Variants in PAQR9 observed in about 807,000 individuals in gnomAD.
PAQR9 encodes the protein membrane progestin receptor epsilon.
Under a neutral mutation model 24.0 loss-of-function variants are expected in PAQR9, and 12 were observed. The observed-to-expected ratio is 0.50, with a 90% confidence interval of 0.32 to 0.81. The LOEUF (loss-of-function observed/expected upper bound fraction) is 0.81, where lower values mean the gene tolerates loss of function less well. Ranked by LOEUF, PAQR9 falls within the 30% of genes least tolerant of loss-of-function variation. PAQR9 has a pLI of 0.03. For synonymous variants in PAQR9, 266 were observed against 237.6 expected, an observed-to-expected ratio of 1.12 and a Z score of -1.10; for missense variants, 418 against 520.8, an observed-to-expected ratio of 0.80 and a Z score of 1.92.
downstream of PAQR9, among the ~76,000 whole-genome samples, chr3:142,953,295 C>A (rs1188237718): frequency 6.6e-6 from 1 of 152,042 alleles, no homozygotes. Flanking sequence ...ACATGGAGAA[C>A]CTGAGTGCTG....
rs372595240 is a variant in PAQR9, at chr3:142,962,143, T to C, written c.*60A>G. 143 of 1,521,060 alleles carry C rather than the reference T, an allele frequency of 9.4e-5. No homozygotes were observed. The South Asian group carries it at 1.5e-3, about 16-fold the overall frequency. The allele number at this position is 1,521,060 out of a possible 1,614,324, so 94.2% of individuals were successfully genotyped here. ...ATGAAATTTGAAAACAAACCAACAA[T>C]AGCAACAACAGAAACTCCAAACAGA... On this transcript the variant is annotated 3_prime_UTR_variant, in exon 1 of 1. Coordinates refer to ENST00000340634, the MANE Select transcript of PAQR9 (RefSeq NM_198504.4).
In PAQR9 at chr3:142,960,298, T is replaced by C. The variant is rs1210586309; in HGVS notation, c.*1905A>G. 6.6e-6 allele frequency: 1 copy of C among 152,250 alleles called. No individual in the cohort carries two copies. Among genetic ancestry groups the C allele is most frequent in the African/African-American group, 2.4e-5 (1 of 41,462 alleles). 9.4% of individuals were successfully genotyped at this position (152,250 alleles called of 1,614,324 possible). On this transcript the variant is annotated 3_prime_UTR_variant, in exon 1 of 1. Coordinates refer to ENST00000340634, the MANE Select transcript of PAQR9 (RefSeq NM_198504.4). ...GCATAAACAAAACCAGCAATTGTTTTAGAAGTGCCAGCCTACCAGTGCTGA... is the reference window on the plus strand; with the variant it reads ...GCATAAACAAAACCAGCAATTGTTTCAGAAGTGCCAGCCTACCAGTGCTGA...
Position 142,960,903 on chromosome 3 carries a change from T to C in PAQR9, c.*1300A>G, listed in dbSNP as rs1934878731. On this transcript the variant is annotated 3_prime_UTR_variant, in exon 1 of 1. Transcript: ENST00000340634. ...AATTTTCAGTGACAACTCAATAATG[T>C]GCTCCTGCCTTTCATAATAAAACTG... 1 of 152,254 alleles carries C rather than the reference T, an allele frequency of 6.6e-6. No individual in the cohort carries two copies. Among genetic ancestry groups the C allele is most frequent in the African/African-American group, 2.4e-5 (1 of 41,470 alleles). The allele number at this position is 152,254 out of a possible 1,614,324, so 9.4% of individuals were successfully genotyped here. A position where few individuals can be genotyped will look rare whatever the true frequency, so the allele number is the denominator to read the frequency against.
At position 142,955,241 on chromosome 3, in the gene PAQR9, G is replaced by A. The variant is rs541020922; in HGVS notation, c.*6962C>T. ...TCTTGCAAATCCAAGAACAGTCACC[G>A]TATTTAAAACCTTTGTTTGGAAATG... On this transcript the variant is annotated 3_prime_UTR_variant, in exon 1 of 1. Coordinates refer to ENST00000340634, the MANE Select transcript of PAQR9 (RefSeq NM_198504.4). 8.9e-4 allele frequency among the ~76,000 whole-genome samples: 136 copies of A among 152,018 alleles called. No homozygotes were observed. The highest frequency in any genetic ancestry group is 3.1e-3 in the African/African-American group (130 of 41,484).
chr3:142,957,411 T>G lies in PAQR9; in HGVS notation c.*4792A>C, dbSNP rs1052932256. ...CCTTCCCATGCATTCTTCCTATCTT[T>G]TTTACCTCTGACACTTTTTAATGAT... On this transcript the variant is annotated 3_prime_UTR_variant, in exon 1 of 1. Coordinates refer to ENST00000340634, the MANE Select transcript of PAQR9 (RefSeq NM_198504.4). Among the ~76,000 whole-genome samples the G allele has an allele frequency of 6.6e-6, 1 of 152,202 alleles. No homozygotes were observed. The highest frequency in any genetic ancestry group is 2.4e-5 in the African/African-American group (1 of 41,468).
At position 142,963,615 on chromosome 3, in the gene PAQR9, C is replaced by T. The variant is rs561104344; in HGVS notation, c.-279G>A. On this transcript the variant is annotated 5_prime_UTR_variant, in exon 1 of 1. Coordinates refer to ENST00000340634, the MANE Select transcript of PAQR9 (RefSeq NM_198504.4). ...GCCCCTGCTACCGGCGCGCGGCCGC[C>T]CGCGCTGCGGCAGCGGCGGCGGCGC... 5.2e-6 allele frequency: 4 copies of T among 767,098 alleles called. No homozygotes were observed. Among genetic ancestry groups the T allele is most frequent in the African/African-American group, 1.9e-5 (1 of 52,620 alleles). 47.5% of individuals were successfully genotyped at this position (767,098 alleles called of 1,614,324 possible). A position where few individuals can be genotyped will look rare whatever the true frequency, so the allele number is the denominator to read the frequency against.
chr3:142,960,491 G>C lies in PAQR9; in HGVS notation c.*1712C>G, dbSNP rs1413728057. ...AGCTCTCCATCACCTACAAGCCAGT[G>C]AAGTACAGCTGGCTGGGTATGAGGG... On this transcript the variant is annotated 3_prime_UTR_variant, in exon 1 of 1. Transcript: ENST00000340634. The C allele has an allele frequency of 6.5e-6, 1 of 152,918 alleles. No homozygotes were observed. Among genetic ancestry groups the C allele is most frequent in the Non-Finnish European group, 1.5e-5 (1 of 68,188 alleles). 9.5% of individuals were successfully genotyped at this position (152,918 alleles called of 1,614,324 possible).
At chr3:142,952,072 G>A (rs1419651731), downstream of PAQR9, among the ~76,000 whole-genome samples, 2 of 151,618 alleles carry the variant, frequency 1.3e-5, no homozygotes, top group Admixed American at 1.3e-4. Context: ...GTTAGAGTGT[G>A]ACATAGTGGG....
downstream of PAQR9, chr3:142,949,666 G>C (rs1439819003): frequency 6.6e-6 from 1 of 152,134 alleles, no homozygotes; most frequent in Non-Finnish European, 1.5e-5. Context: ...TAAGAAAAAA[G>C]TTTTTGGAGG....
rs77134418 is a variant in PAQR9, at chr3:142,962,416, G to A, written c.921C>T (p.Ile307=). 2.3e-4 allele frequency: 379 copies of A among 1,614,148 alleles called. No homozygotes were observed. The African/African-American group carries it at 4.8e-3, about 20-fold the overall frequency. The stretch of plus-strand genomic sequence containing the variant: ...TGTGGAAGAGCTGGTGGCTGTGGCC[G>A]ATAATGTCGAAAAGACCCGGCTGGA... ...ERIQPGLFDI[I]GHSHQLFHIF... Residue 307 remains isoleucine, a synonymous_variant, in exon 1 of 1, where the codon ATC becomes ATT. Coordinates refer to ENST00000340634, the MANE Select transcript of PAQR9 (RefSeq NM_198504.4).
chr3:142,949,510 G>C (rs985485074), exon 3 of PAQR9: 3 of 152,346 alleles, frequency 2.0e-5, no homozygotes, highest in Admixed American at 1.3e-4. Flanking sequence ...AAAGTATCAA[G>C]ATAGAGAGAA....
At chr3:142,949,220 T>TAAAGTACAAAA (rs1934683570) in exon 3 of PAQR9, 1 of 152,244 alleles carries the variant, frequency 6.6e-6, no homozygotes, top group Non-Finnish European at 1.5e-5. Context: ...ACCTGTTTCC[T>TAAAGTACAAAA]TTTGTACTTT....
rs183500964 is a variant in PAQR9 at position 142,955,251 on chromosome 3, C to A, written c.*6952G>T. ...CCAAGAACAGTCACCGTATTTAAAA[C>A]CTTTGTTTGGAAATGGGTGAACCTC... On this transcript the variant is annotated 3_prime_UTR_variant, in exon 1 of 1. Coordinates refer to ENST00000340634, the MANE Select transcript of PAQR9 (RefSeq NM_198504.4). Among the ~76,000 whole-genome samples the A allele has an allele frequency of 6.6e-6, 1 of 151,714 alleles. No individual in the cohort carries two copies. Among genetic ancestry groups the A allele is most frequent in the Non-Finnish European group, 1.5e-5 (1 of 67,948 alleles).
rs1934816463 is a variant in PAQR9, at chr3:142,957,783, G to A, written c.*4420C>T. ...CTTGGATTGTACATTACATTTTCAA[G>A]TTATTTTTAACAATAGGCCTAGGAG... On this transcript the variant is annotated 3_prime_UTR_variant, in exon 1 of 1. Coordinates refer to ENST00000340634, the MANE Select transcript of PAQR9 (RefSeq NM_198504.4). Among the ~76,000 whole-genome samples the A allele has an allele frequency of 6.6e-6, 1 of 152,104 alleles. No individual in the cohort carries two copies. Among genetic ancestry groups the A allele is most frequent in the Non-Finnish European group, 1.5e-5 (1 of 68,024 alleles).
chr3:142,950,972 G>T (rs979669496), downstream of PAQR9, among the ~76,000 whole-genome samples: 2 of 152,200 alleles, frequency 1.3e-5, no homozygotes, highest in African/African-American at 4.8e-5. Context: ...ACTCTTTAGT[G>T]AATTTTTGGT....
rs1031648068 is a variant in PAQR9 at position 142,956,091 on chromosome 3, T to A, written c.*6112A>T. ...CTTTACAAATATAAAATTAAAATACTTTTTTAAAAAATTTTCCCAGGAATT... is the reference window on the plus strand; with the variant it reads ...CTTTACAAATATAAAATTAAAATACATTTTTAAAAAATTTTCCCAGGAATT... On this transcript the variant is annotated 3_prime_UTR_variant, in exon 1 of 1. Transcript: ENST00000340634. Among the ~76,000 whole-genome samples, 1 of 152,238 alleles carries A rather than the reference T, an allele frequency of 6.6e-6. No individual in the cohort carries two copies. The highest frequency in any genetic ancestry group is 1.5e-5 in the Non-Finnish European group (1 of 68,040).
chr3:142,963,309 C>T lies in PAQR9; in HGVS notation c.28G>A (p.Ala10Thr). Residue 10 changes from alanine (A) to threonine (T), a missense_variant, in exon 1 of 1, where the codon GCG becomes ACG. Physicochemically the swap from Ala to Thr is moderately conservative, Grantham distance 58. Transcript: ENST00000340634. ...GGGGCCGGAGGGCCTTTTGTGCCCG[C>T]GCCCCGGGGCTGCAGGCGCCGCGGC... MPRRLQPRG[A>T]GTKGPPAPAP... is the part of the protein sequence containing the mutation. 1 of 1,401,938 alleles carries T rather than the reference C, an allele frequency of 7.1e-7. No homozygotes were observed. The highest frequency in any genetic ancestry group is 9.2e-7 in the Non-Finnish European group (1 of 1,086,230). The allele number at this position is 1,401,938 out of a possible 1,614,324, so 86.8% of individuals were successfully genotyped here.
chr3:142,961,862 G>A lies in PAQR9; in HGVS notation c.*341C>T, dbSNP rs1934896222. 3.1e-6 allele frequency: 1 copy of A among 317,902 alleles called. No homozygotes were observed. Among genetic ancestry groups the A allele is most frequent in the Non-Finnish European group, 6.0e-6 (1 of 168,026 alleles). The allele number at this position is 317,902 out of a possible 1,614,324, so 19.7% of individuals were successfully genotyped here. On this transcript the variant is annotated 3_prime_UTR_variant, in exon 1 of 1. Coordinates refer to ENST00000340634, the MANE Select transcript of PAQR9 (RefSeq NM_198504.4). ...CAGGGGCTACTCCTTATTACCAATG[G>A]CACAGATGATTGGAAAAGCAAACTC...
Position 142,957,218 on chromosome 3 carries a change from C to T in PAQR9, c.*4985G>A, listed in dbSNP as rs898376644. Among the ~76,000 whole-genome samples, 1 of 152,228 alleles carries T rather than the reference C, an allele frequency of 6.6e-6. No individual in the cohort carries two copies. Among genetic ancestry groups the T allele is most frequent in the African/African-American group, 2.4e-5 (1 of 41,464 alleles). ...ACACTCGTGCTCAGGTCAAACGCTA[C>T]AAGATGTGGTTAAGCTGACAAACAG... On this transcript the variant is annotated 3_prime_UTR_variant, in exon 1 of 1. Coordinates refer to ENST00000340634, the MANE Select transcript of PAQR9 (RefSeq NM_198504.4).
Sources: allele counts gnomAD v4.1 joint callset (sites outside exome capture counted in the v4.1 genomes callset), GRCh38; gene constraint gnomAD v4.1.1; transcripts MANE v1.5; gene names NCBI Gene and HGNC (gene_info 2026-07-23, HGNC 2026-07-21).